Variants in FSCN2 observed in about 807,000 individuals in gnomAD.
FSCN2 encodes fascin actin-bundling protein 2, retinal.
Under a neutral mutation model 37.8 loss-of-function variants are expected in FSCN2, and 46 were observed. The observed-to-expected ratio is 1.22, with a 90% CI of 0.96 to 1.56. FSCN2 has a LOEUF of 1.56. Ranked by LOEUF, FSCN2 falls within the 40% of genes most tolerant of loss-of-function variation. The pLI, the probability that FSCN2 is intolerant of heterozygous loss-of-function variation, is 0.00. For synonymous variants in FSCN2, 351 were observed against 309.4 expected (o/e 1.13, Z -1.41); for missense variants, 844 against 730.4 (o/e 1.16, Z -1.79).
Position 81,528,793 on chromosome 17 carries a change from T to G in FSCN2, c.262T>G (p.Cys88Gly), listed in dbSNP as rs2032439595. The stretch of plus-strand genomic sequence containing the variant: ...TGAGGCAGAGCAGCCGGGCCGTGAC[T>G]GCCGCTTCCTGGTCCTGCCGCAGCC... ...ACEAEQPGRD[C>G]RFLVLPQPDG... Residue 88 changes from cysteine (C) to glycine (G), a missense_variant, in exon 1 of 5, where the codon TGC becomes GGC. By Grantham distance (159) the Cys-to-Gly change is radical. Coordinates refer to ENST00000417245, the MANE Select transcript of FSCN2 (RefSeq NM_012418.4). 2 of 1,564,376 alleles carry G rather than the reference T, an allele frequency of 1.3e-6. No homozygotes were observed. Among genetic ancestry groups the G allele is most frequent in the East Asian group, 4.8e-5 (2 of 41,798 alleles).
At chr17:81,524,908 CA>C (rs1555669878), upstream of FSCN2, among the ~76,000 whole-genome samples, 29 of 148,546 alleles carry the variant, frequency 2.0e-4, no homozygotes, top group East Asian at 9.7e-4. Flanking sequence ...CACACACACA[CA>C]CACACACACA....
upstream of FSCN2, chr17:81,528,334 C>T: frequency 3.4e-6 from 2 of 587,130 alleles, no homozygotes; most frequent in Admixed American, 3.0e-5. Context: ...CCCTCTGCTG[C>T]CCGCGGGCCC....
chr17:81,521,102 T>A, the FSCN2 span, among the ~76,000 whole-genome samples: 1 of 152,158 alleles, frequency 6.6e-6, no homozygotes. Flanking sequence ...AGTTTCACTC[T>A]TGTTGCCCAG....
chr17:81,527,089 G>A (rs1247029097), upstream of FSCN2: 3 of 152,290 alleles, frequency 2.0e-5, no homozygotes, highest in Non-Finnish European at 4.4e-5. Flanking sequence ...AGGGCTTAGA[G>A]GACAGAGGAA....
At chr17:81,527,166 A>T (rs2143839607), upstream of FSCN2, 1 of 152,650 alleles carries the variant, frequency 6.6e-6, no homozygotes, top group Admixed American at 6.5e-5. Flanking sequence ...ACAGGTGCCC[A>T]GCCCAGGCCC....
At chr17:81,521,107 G>A in the FSCN2 span, among the ~76,000 whole-genome samples, 2 of 151,642 alleles carry the variant, frequency 1.3e-5, no homozygotes, top group East Asian at 3.9e-4. Context: ...CACTCTTGTT[G>A]CCCAGGCTGG....
the FSCN2 span, among the ~76,000 whole-genome samples, chr17:81,515,819 T>A: frequency 2.6e-5 from 4 of 152,282 alleles, no homozygotes; most frequent in Non-Finnish European, 5.9e-5. Context: ...TCACTCTACC[T>A]GCCTGGAATG....
At chr17:81,529,780 C>G in intron 1 of FSCN2, 1 of 403,790 alleles carries the variant, frequency 2.5e-6, no homozygotes, top group Non-Finnish European at 4.8e-6. Flanking sequence ...ATCTCCCCTT[C>G]TTTTTCTCCA....
intron 3 of FSCN2, 149 bp downstream of exon 3, chr17:81,536,416 A>G: frequency 7.0e-7 from 1 of 1,437,084 alleles, no homozygotes; most frequent in Non-Finnish European, 9.3e-7. Flanking sequence ...TAGTCAAGAT[A>G]ACTCGTCTTG....
At chr17:81,519,339 G>T in the FSCN2 span, among the ~76,000 whole-genome samples, 1 of 152,138 alleles carries the variant, frequency 6.6e-6, no homozygotes, top group Non-Finnish European at 1.5e-5. Flanking sequence ...CGGCACCGGG[G>T]CTTCGGGTGG....
At chr17:81,529,526 G>A in intron 1 of FSCN2, 169 bp downstream of exon 1, 1 of 782,820 alleles carries the variant, frequency 1.3e-6, no homozygotes, top group East Asian at 2.4e-5. Flanking sequence ...GTGTAGGTGG[G>A]TGGGCCTCGG....
chr17:81,536,834 G>A (rs765896131), intron 4 of FSCN2, 41 bp from the exon 5 acceptor site: 5 of 1,551,096 alleles, frequency 3.2e-6, no homozygotes, highest in Admixed American at 1.9e-5. Flanking sequence ...GGGTGGCAGC[G>A]GGCAGGTGGG....
upstream of FSCN2, among the ~76,000 whole-genome samples, chr17:81,524,392 G>A (rs574567434): frequency 6.6e-6 from 1 of 152,328 alleles, no homozygotes; most frequent in South Asian, 2.1e-4. Context: ...CCGGGACAAG[G>A]CACCCCCTCC....
chr17:81,529,570 G>A, intron 1 of FSCN2: 1 of 757,036 alleles, frequency 1.3e-6, no homozygotes, highest in Non-Finnish European at 2.4e-6. Flanking sequence ...GAGGGGTGGT[G>A]GCTTCAGGGT....
chr17:81,528,309 C>T (rs1213586004), upstream of FSCN2: 19 of 572,950 alleles, frequency 3.3e-5, no homozygotes, highest in Admixed American at 6.1e-5. Flanking sequence ...GTCTCTGATC[C>T]GCCCTCCCCG....
upstream of FSCN2, among the ~76,000 whole-genome samples, chr17:81,528,023 G>A (rs904795779): frequency 1.2e-4 from 19 of 152,110 alleles, no homozygotes; most frequent in African/African-American, 1.9e-4. Context: ...CGGCCGAGCC[G>A]TGAGCGTTCC....
chr17:81,534,636 C>T (rs1163423548), intron 1 of FSCN2, among the ~76,000 whole-genome samples: 1 of 151,848 alleles, frequency 6.6e-6, no homozygotes. Flanking sequence ...GGTGCCCCAT[C>T]ACCATCCGCA....
rs782118960 is a variant in FSCN2 at position 81,529,078 on chromosome 17, C to T, written c.547C>T (p.Arg183Trp). The T allele has an allele frequency of 2.0e-5, 32 of 1,590,334 alleles. No homozygotes were observed. Among genetic ancestry groups the T allele is most frequent in the African/African-American group, 2.7e-5 (2 of 74,488 alleles). The change falls in exon 1 of 5, where the codon CGG becomes TGG. Residue 183 changes from arginine (R) to tryptophan (W), a missense_variant. Physicochemically the swap from Arg to Trp is moderately radical, Grantham distance 101 (BLOSUM62 -3). Transcript: ENST00000417245. ...CCTCACCCTCATCTTCCGGAGCCGA[C>T]GGTACTGCCTCAAGTCCTGTGACAG... ...ALLTLIFRSR[R>W]YCLKSCDSRY...
the FSCN2 span, among the ~76,000 whole-genome samples, chr17:81,515,249 C>A: frequency 6.6e-6 from 1 of 152,166 alleles, no homozygotes; most frequent in Non-Finnish European, 1.5e-5. Flanking sequence ...TGGATATGCT[C>A]TGGGAAGCCA....
Sources: gnomAD v4.1 joint callset for allele counts (sites outside exome capture counted in the v4.1 genomes callset) on GRCh38, gnomAD v4.1.1 for gene constraint, MANE v1.5 for transcripts, NCBI Gene and HGNC (gene_info 2026-07-23, HGNC 2026-07-21) for gene names.